The following GATC variants were observed in gnomAD, a reference collection of about 807,000 sequenced individuals.
The protein encoded by GATC is glutamyl-tRNA(Gln) amidotransferase subunit C, mitochondrial.
A neutral mutation model predicts 14.4 loss-of-function variants in GATC; 11 were observed. The ratio of observed to expected loss-of-function variants is 0.77; its 90% CI spans 0.48 to 1.27. The LOEUF (loss-of-function observed/expected upper bound fraction) is 1.27. Among genes scored for constraint, GATC ranks in the 50% most tolerant of loss-of-function variants. GATC has a pLI of 0.00. For synonymous variants in GATC, 76 were observed against 79.3 expected (o/e 0.96, Z 0.22); for missense variants, 204 against 183.0 (o/e 1.11, Z -0.66).
chr12:120,460,164 G>A lies in GATC; in HGVS notation c.*205G>A, dbSNP rs1011568853. On this transcript the variant is annotated 3_prime_UTR_variant, in exon 4 of 4. Transcript: ENST00000551765. ...GCAGTGAGTTCCTGATGCTAACTGA[G>A]GTGAAAGAAAAGCAAAAGTCAGCTT... 15 of 492,904 alleles carry A rather than the reference G, an allele frequency of 3.0e-5. No individual in the cohort carries two copies. Among genetic ancestry groups the A allele is most frequent in the Admixed American group, 7.4e-5 (2 of 27,146 alleles). 30.5% of individuals were successfully genotyped at this position (492,904 alleles called of 1,614,324 possible). A position where few individuals can be genotyped will look rare whatever the true frequency, so the allele number is the denominator to read the frequency against.
Position 120,462,260 on chromosome 12 carries a change from CACTT to C in GATC, c.*2305_*2308del. ...CTAACAATAATAGTTAAGTATTGAGCACTTACTGTGTACTCTGTGCCTGGCATGA... is the reference window on the plus strand; with the variant it reads ...CTAACAATAATAGTTAAGTATTGAGCACTGTGTACTCTGTGCCTGGCATGA... On this transcript the variant is annotated 3_prime_UTR_variant, in exon 4 of 4. Coordinates refer to ENST00000551765, the MANE Select transcript of GATC (RefSeq NM_176818.3). 2 of 1,333,798 alleles carry C rather than the reference CACTT, an allele frequency of 1.5e-6. No individual in the cohort carries two copies. The highest frequency in any genetic ancestry group is 2.1e-6 in the Non-Finnish European group (2 of 973,154). The allele number at this position is 1,333,798 out of a possible 1,614,324, so 82.6% of individuals were successfully genotyped here. A position where few individuals can be genotyped will look rare whatever the true frequency, so the allele number is the denominator to read the frequency against.
At position 120,457,175 on chromosome 12, in the gene GATC, C is replaced by G. The variant is rs1184968995; in HGVS notation, c.354C>G (p.Pro118=). The change falls in exon 3 of 4, where the codon CCC becomes CCG. Residue 118 remains proline, a synonymous_variant. Coordinates refer to ENST00000551765, the MANE Select transcript of GATC (RefSeq NM_176818.3). ...HRVVEEYFVA[P]PGNISLPKLD... ...TCGTGGAGGAGTACTTTGTGGCCCCCCCAGGTACGTGCTGCCCAGAATGGT... is the reference window on the plus strand; with the variant it reads ...TCGTGGAGGAGTACTTTGTGGCCCCGCCAGGTACGTGCTGCCCAGAATGGT... The G allele has an allele frequency of 2.5e-6, 4 of 1,609,266 alleles. No individual in the cohort carries two copies. The highest frequency in any genetic ancestry group is 1.1e-5 in the South Asian group (1 of 90,964).
At chr12:120,446,951 C>A in intron 2 of GATC, 122 bp downstream of exon 2, 3 of 886,868 alleles carry the variant, frequency 3.4e-6, no homozygotes, top group Non-Finnish European at 5.0e-6. Flanking sequence ...GGAACTTGCC[C>A]ACAGTCACCT....
At chr12:120,446,881 G>A (rs528438458) in intron 2 of GATC, 52 bp downstream of exon 2, 188 of 1,507,208 alleles carry the variant, frequency 1.2e-4, no homozygotes, top group Non-Finnish European at 1.6e-4. Flanking sequence ...GTTCGCAGCC[G>A]TTTAATGTGA....
At position 120,459,859 on chromosome 12, in the gene GATC, C is replaced by T. The variant is rs781067249; in HGVS notation, c.359-48C>T. On this transcript the variant is annotated intron_variant, in intron 3 of 3. Coordinates refer to ENST00000551765, the MANE Select transcript of GATC (RefSeq NM_176818.3). ...GCAACAGCGAGACTCTGTCTCAAAA[C>T]AAAAACAAACAAACAAACAAAAATT... The T allele has an allele frequency of 3.3e-6, 5 of 1,511,998 alleles. No individual in the cohort carries two copies. The South Asian group carries it at 3.4e-5, about 10-fold the overall frequency. 93.7% of individuals were successfully genotyped at this position (1,511,998 alleles called of 1,614,324 possible).
intron 2 of GATC, chr12:120,454,856 TC>T (rs1337845389): frequency 2.8e-4 from 62 of 224,664 alleles, no homozygotes; most frequent in African/African-American, 1.2e-3. Context: ...CTTGTGTTAT[TC>T]AAAAAAAAAA....
At chr12:120,457,240 G>T in intron 3 of GATC, 61 bp downstream of exon 3, 1 of 1,219,572 alleles carries the variant, frequency 8.2e-7, no homozygotes, top group South Asian at 1.2e-5. Flanking sequence ...AATGAAGCAG[G>T]AAGCATGAGG....
At chr12:120,447,064 TTTTGTTTG>T (rs572661065) in intron 2 of GATC, among the ~76,000 whole-genome samples, 1 of 129,052 alleles carries the variant, frequency 7.7e-6, no homozygotes, top group African/African-American at 3.1e-5. Flanking sequence ...TTGTTTTTTT[TTTTGTTTG>T]TTTGTTTTGT....
chr12:120,449,048 C>T (rs1178840219), intron 2 of GATC, among the ~76,000 whole-genome samples: 4 of 150,372 alleles, frequency 2.7e-5, no homozygotes, highest in East Asian at 2.0e-4. Context: ...CTGCAAGTTC[C>T]GCCTCCTGGG....
At chr12:120,449,518 C>T (rs1213047477) in intron 2 of GATC, among the ~76,000 whole-genome samples, 6 of 152,060 alleles carry the variant, frequency 3.9e-5, no homozygotes, top group Middle Eastern at 3.4e-3. Context: ...GGCGTGATCT[C>T]GGCTCACTGC....
At chr12:120,447,837 T>C (rs1283673108) in intron 2 of GATC, among the ~76,000 whole-genome samples, 1 of 151,958 alleles carries the variant, frequency 6.6e-6, no homozygotes, top group Non-Finnish European at 1.5e-5. Context: ...CTCATTGTAA[T>C]GTCCACCTCC....
chr12:120,454,050 A>ATT (rs1224703677), intron 2 of GATC, among the ~76,000 whole-genome samples: 3 of 152,202 alleles, frequency 2.0e-5, no homozygotes. Flanking sequence ...GAGTAAATAG[A>ATT]TTAGTTGCTA....
rs1383672769 is a variant in GATC at position 120,460,575 on chromosome 12, C to T, written c.*616C>T. 6.6e-6 allele frequency: 1 copy of T among 152,186 alleles called. No homozygotes were observed. Among genetic ancestry groups the T allele is most frequent in the East Asian group, 1.9e-4 (1 of 5,204 alleles). The allele number at this position is 152,186 out of a possible 1,614,324, so 9.4% of individuals were successfully genotyped here. A position where few individuals can be genotyped will look rare whatever the true frequency, so the allele number is the denominator to read the frequency against. On this transcript the variant is annotated 3_prime_UTR_variant, in exon 4 of 4. Coordinates refer to ENST00000551765, the MANE Select transcript of GATC (RefSeq NM_176818.3). ...GATACTAGTCATACCTAGTGTTTCT[C>T]TTTCTGAAAAGAGAACTTATCCTAA... is the stretch of plus-strand genomic sequence containing the variant.
chr12:120,447,508 A>C (rs1877909774), intron 2 of GATC, among the ~76,000 whole-genome samples: 1 of 151,952 alleles, frequency 6.6e-6, no homozygotes, highest in Non-Finnish European at 1.5e-5. Flanking sequence ...AGATCTCTGC[A>C]CTGGCCCTTC....
At chr12:120,457,455 T>A (rs1878217441) in intron 3 of GATC, among the ~76,000 whole-genome samples, 1 of 152,072 alleles carries the variant, frequency 6.6e-6, no homozygotes, top group African/African-American at 2.4e-5. Context: ...GCAGCTGGCA[T>A]TCAGTGTTTC....
Position 120,461,807 on chromosome 12 carries a change from T to C in GATC, c.*1848T>C, listed in dbSNP as rs1878348129. ...TAATCAGGGGTGAAAAATATACAACTTGTTTCTGAACCAAAACCACAATTT... is the reference window on the plus strand; with the variant it reads ...TAATCAGGGGTGAAAAATATACAACCTGTTTCTGAACCAAAACCACAATTT... On this transcript the variant is annotated 3_prime_UTR_variant, in exon 4 of 4. Coordinates refer to ENST00000551765, the MANE Select transcript of GATC (RefSeq NM_176818.3). The C allele has an allele frequency of 2.2e-6, 1 of 460,174 alleles. No individual in the cohort carries two copies. Among genetic ancestry groups the C allele is most frequent in the African/African-American group, 2.0e-5 (1 of 49,254 alleles). The allele number at this position is 460,174 out of a possible 1,614,324, so 28.5% of individuals were successfully genotyped here. A position where few individuals can be genotyped will look rare whatever the true frequency, so the allele number is the denominator to read the frequency against.
chr12:120,448,418 C>T (rs57646360), intron 2 of GATC, among the ~76,000 whole-genome samples: 25,006 of 150,140 alleles, frequency 0.17, 2,720 homozygotes, highest in African/African-American at 0.31. Flanking sequence ...AACCTCCACC[C>T]TCCAGGTTCA....
At chr12:120,458,243 C>T (rs1017682763) in intron 3 of GATC, among the ~76,000 whole-genome samples, 5 of 151,998 alleles carry the variant, frequency 3.3e-5, no homozygotes, top group African/African-American at 9.6e-5. Context: ...TGCCTGCCAC[C>T]ATGCCTGGCT....
Position 120,463,228 on chromosome 12 carries a change from T to C in GATC, c.*3269T>C, listed in dbSNP as rs1391545776. The C allele has an allele frequency of 6.6e-6, 1 of 152,074 alleles. No individual in the cohort carries two copies. The highest frequency in any genetic ancestry group is 1.5e-5 in the Non-Finnish European group (1 of 68,016). 9.4% of individuals were successfully genotyped at this position (152,074 alleles called of 1,614,324 possible). The stretch of plus-strand genomic sequence containing the variant: ...AGCTGCTTTCCTACAAGGAAAGACA[T>C]CAAGAACTACTGAGTCTGAAGGGTG... On this transcript the variant is annotated 3_prime_UTR_variant, in exon 4 of 4. Transcript: ENST00000551765.
Sources: allele counts gnomAD v4.1 joint callset (sites outside exome capture counted in the v4.1 genomes callset), GRCh38; gene constraint gnomAD v4.1.1; transcripts MANE v1.5; gene names NCBI Gene and HGNC (gene_info 2026-07-23, HGNC 2026-07-21).